TENM3: variants seen among roughly 807,000 people sequenced by gnomAD.
TENM3 encodes teneurin transmembrane protein 3.
In TENM3, 63 loss-of-function variants were observed where a neutral mutation model predicts 255.1. The observed-to-expected ratio is 0.25, with a 90% CI of 0.20 to 0.30. TENM3 has a LOEUF of 0.30. Among genes scored for constraint, TENM3 ranks in the 10% least tolerant of loss-of-function variants. TENM3 has a pLI of 1.00. For missense variants in TENM3, 2,929 were observed against 3,461.1 expected (o/e 0.85, Z 3.86); for synonymous variants, 1,306 against 1,322.3 (o/e 0.99, Z 0.27).
chr4:181,461,208 C>T, the TENM3 span, among the ~76,000 whole-genome samples: 1 of 151,886 alleles, frequency 6.6e-6, no homozygotes, highest in African/African-American at 2.4e-5. Flanking sequence ...GCTTCTTTGT[C>T]ATCCAGCTTT....
At chr4:182,502,353 C>T (rs918346707) in intron 3 of TENM3, among the ~76,000 whole-genome samples, 8 of 152,086 alleles carry the variant, frequency 5.3e-5, no homozygotes, top group African/African-American at 1.9e-4. Flanking sequence ...GAAACTCACA[C>T]CCTCTGTTAT....
the TENM3 span, among the ~76,000 whole-genome samples, chr4:182,127,788 C>G: frequency 2.1e-4 from 32 of 152,088 alleles, no homozygotes; most frequent in Middle Eastern, 3.2e-3. Flanking sequence ...AATGTATAGT[C>G]TATATAGCAT....
chr4:181,561,602 A>G, the TENM3 span, among the ~76,000 whole-genome samples: 3 of 152,194 alleles, frequency 2.0e-5, no homozygotes, highest in Admixed American at 6.5e-5. Context: ...TTTACACTCT[A>G]TGACACTAGT....
intron 15 of TENM3, among the ~76,000 whole-genome samples, chr4:182,730,549 A>T (rs1337634432): frequency 6.6e-6 from 1 of 152,214 alleles, no homozygotes; most frequent in African/African-American, 2.4e-5. Context: ...GTTTTGTAGG[A>T]GAATGCTCTT....
chr4:182,403,654 C>T (rs1193863662), intron 3 of TENM3, among the ~76,000 whole-genome samples: 1 of 152,156 alleles, frequency 6.6e-6, no homozygotes, highest in East Asian at 1.9e-4. Flanking sequence ...ACATTCTTAC[C>T]ACCGTGGAAC....
chr4:181,946,603 C>G, the TENM3 span, among the ~76,000 whole-genome samples: 1 of 152,134 alleles, frequency 6.6e-6, no homozygotes, highest in African/African-American at 2.4e-5. Context: ...GGCCAAAGAC[C>G]ATGGCCAATT....
At chr4:181,652,111 C>A in the TENM3 span, among the ~76,000 whole-genome samples, 2 of 147,242 alleles carry the variant, frequency 1.4e-5, no homozygotes, top group Non-Finnish European at 3.0e-5. Context: ...CATTTCTTTT[C>A]CCTTTTGGCA....
chr4:182,119,896 C>T, the TENM3 span, among the ~76,000 whole-genome samples: 1 of 152,002 alleles, frequency 6.6e-6, no homozygotes, highest in African/African-American at 2.4e-5. Context: ...GAAACATGGT[C>T]TCCATGTGTT....
intron 3 of TENM3, among the ~76,000 whole-genome samples, chr4:182,406,768 A>G (rs1374264310): frequency 1.3e-5 from 2 of 152,232 alleles, no homozygotes; most frequent in Non-Finnish European, 2.9e-5. Context: ...TCAGCTACAG[A>G]TCTTTGTACA....
chr4:181,629,342 T>C, the TENM3 span, among the ~76,000 whole-genome samples: 25 of 152,202 alleles, frequency 1.6e-4, no homozygotes, highest in Admixed American at 8.5e-4. Flanking sequence ...TTCTCCTGCC[T>C]GATTGCCCTG....
At chr4:182,413,483 G>A (rs1159347748) in intron 3 of TENM3, among the ~76,000 whole-genome samples, 3 of 152,066 alleles carry the variant, frequency 2.0e-5, no homozygotes, top group Non-Finnish European at 4.4e-5. Flanking sequence ...TGGACGTGGT[G>A]TGTGGGCCTG....
chr4:181,792,528 A>AT, the TENM3 span, among the ~76,000 whole-genome samples: 4 of 152,180 alleles, frequency 2.6e-5, no homozygotes, highest in East Asian at 3.9e-4. Flanking sequence ...AAAAATACGT[A>AT]TTTTTTAGTA....
the TENM3 span, chr4:182,012,848 A>C: frequency 6.6e-6 from 1 of 152,310 alleles, no homozygotes; most frequent in South Asian, 2.1e-4. Flanking sequence ...GCACTTCAGT[A>C]ATGTTTTTCA....
chr4:181,734,736 A>G, the TENM3 span, among the ~76,000 whole-genome samples: 1 of 152,206 alleles, frequency 6.6e-6, no homozygotes, highest in Non-Finnish European at 1.5e-5. Flanking sequence ...TGTTGAGAAT[A>G]TGAGAATAAG....
the TENM3 span, among the ~76,000 whole-genome samples, chr4:182,107,514 G>A: frequency 1.7e-4 from 26 of 152,176 alleles, no homozygotes; most frequent in African/African-American, 6.0e-4. Flanking sequence ...AGAACTGGAA[G>A]CGAAAAGTGG....
At chr4:182,757,884 A>G (rs1762851460) in intron 22 of TENM3, among the ~76,000 whole-genome samples, 1 of 152,200 alleles carries the variant, frequency 6.6e-6, no homozygotes, top group East Asian at 1.9e-4. Context: ...TATCTATTAA[A>G]TCTTATAACT....
the TENM3 span, among the ~76,000 whole-genome samples, chr4:181,720,072 T>A: frequency 6.6e-6 from 1 of 152,214 alleles, no homozygotes; most frequent in African/African-American, 2.4e-5. Context: ...TGAAGCTGGA[T>A]CATATATGTA....
chr4:182,095,593 C>T, the TENM3 span, among the ~76,000 whole-genome samples: 1 of 151,932 alleles, frequency 6.6e-6, no homozygotes, highest in African/African-American at 2.4e-5. Context: ...ATACGGAAGT[C>T]CAGTTAGATA....
At chr4:181,766,599 G>A in the TENM3 span, among the ~76,000 whole-genome samples, 155 of 152,164 alleles carry the variant, frequency 1.0e-3, 1 homozygote, top group Non-Finnish European at 1.8e-4. Context: ...ATGGAAATAT[G>A]TGTAGTGTAC....
Sources: gnomAD v4.1 joint callset for allele counts (sites outside exome capture counted in the v4.1 genomes callset) on GRCh38, gnomAD v4.1.1 for gene constraint, MANE v1.5 for transcripts, NCBI Gene and HGNC (gene_info 2026-07-23, HGNC 2026-07-21) for gene names.